Variants in DMXL2 observed in about 807,000 individuals in gnomAD.
DMXL2 encodes the protein Dmx like 2.
In DMXL2, 103 loss-of-function variants were observed where a neutral mutation model predicts 331.1. That is an observed-to-expected ratio of 0.31 (90% confidence interval 0.27 to 0.37). DMXL2 has a LOEUF of 0.37. Ranked by LOEUF, DMXL2 falls within the 10% of genes least tolerant of loss-of-function variation. DMXL2 has a pLI of 1.00. For missense variants in DMXL2, 3,171 were observed against 3,642.9 expected, an observed-to-expected ratio of 0.87 and a Z score of 3.33; for synonymous variants, 1,281 against 1,252.1, an observed-to-expected ratio of 1.02 and a Z score of -0.49.
At chr15:51,484,438 A>C (rs1187246457) in intron 23 of DMXL2, among the ~76,000 whole-genome samples, 1 of 152,250 alleles carries the variant, frequency 6.6e-6, no homozygotes, top group African/African-American at 2.4e-5. Flanking sequence ...GGCAACTGAG[A>C]GGATTGCAAA....
At chr15:51,558,740 G>A (rs888141633) in intron 6 of DMXL2, among the ~76,000 whole-genome samples, 2 of 152,152 alleles carry the variant, frequency 1.3e-5, no homozygotes, top group East Asian at 3.9e-4. Context: ...GAATTTTGTT[G>A]TTCTTGGAAA....
At chr15:51,464,381 C>CA (rs1385149153) in intron 32 of DMXL2, among the ~76,000 whole-genome samples, 1 of 152,188 alleles carries the variant, frequency 6.6e-6, no homozygotes, top group Non-Finnish European at 1.5e-5. Flanking sequence ...TCCTGGGTGA[C>CA]AGAGTGAGAC....
chr15:51,589,255 G>A (rs1425481324), intron 1 of DMXL2, among the ~76,000 whole-genome samples: 1 of 152,180 alleles, frequency 6.6e-6, no homozygotes, highest in Non-Finnish European at 1.5e-5. Flanking sequence ...ACTTGAAGAG[G>A]AACTCACAAG....
intron 1 of DMXL2, among the ~76,000 whole-genome samples, chr15:51,618,313 CTTTT>C (rs10577626): frequency 1.4e-5 from 2 of 145,710 alleles, no homozygotes; most frequent in Non-Finnish European, 1.5e-5. Context: ...TCTTGTAATT[CTTTT>C]TTTTTTTTTT....
At chr15:51,595,303 A>G (rs1040375496) in intron 1 of DMXL2, among the ~76,000 whole-genome samples, 3 of 152,366 alleles carry the variant, frequency 2.0e-5, no homozygotes, top group African/African-American at 7.2e-5. Context: ...CCAAATCATG[A>G]GTGAACTCCC....
At chr15:51,464,209 G>A (rs909380781) in intron 32 of DMXL2, among the ~76,000 whole-genome samples, 20 of 152,108 alleles carry the variant, frequency 1.3e-4, no homozygotes, top group African/African-American at 4.6e-4. Context: ...TGAGACCAGT[G>A]TGGGCAACAT....
In DMXL2 at chr15:51,486,101, T is replaced by C. The variant is rs1260194336; in HGVS notation, c.5454A>G (p.Gln1818=). The part of the protein sequence containing the change: ...YTRALDTLLE[Q]TPKEDDEHQV... ...GATGTTCATCATCCTCCTTTGGTGTTTGTTCCAGTAATGTGTCCAAGGCTC... is the reference window on the plus strand; with the variant it reads ...GATGTTCATCATCCTCCTTTGGTGTCTGTTCCAGTAATGTGTCCAAGGCTC... Residue 1818 remains glutamine, a synonymous_variant, in exon 23 of 44, where the codon CAA becomes CAG. Transcript: ENST00000560891. 6.2e-7 allele frequency: 1 copy of C among 1,611,144 alleles called. No individual in the cohort carries two copies. The highest frequency in any genetic ancestry group is 1.3e-5 in the African/African-American group (1 of 74,902).
At chr15:51,450,714 G>T in intron 42 of DMXL2, 1 of 179,874 alleles carries the variant, frequency 5.6e-6, no homozygotes, top group Non-Finnish European at 1.2e-5. Context: ...TTCTTTTCAG[G>T]TAAGTAATTG....
chr15:51,459,134 T>C (rs899009624), intron 34 of DMXL2: 7 of 236,880 alleles, frequency 3.0e-5, no homozygotes, highest in Non-Finnish European at 5.9e-5. Flanking sequence ...GCAATAAGAA[T>C]GTGTATACAT....
intron 23 of DMXL2, among the ~76,000 whole-genome samples, chr15:51,485,513 TCTTA>T (rs1407128707): frequency 6.6e-6 from 1 of 152,238 alleles, no homozygotes; most frequent in Admixed American, 6.5e-5. Context: ...CTGCTGTGCA[TCTTA>T]CTTTTTTTCA....
intron 1 of DMXL2, among the ~76,000 whole-genome samples, chr15:51,578,305 C>G (rs72729293): frequency 0.028 from 4,320 of 152,244 alleles, 75 homozygotes; most frequent in Admixed American, 0.038. Context: ...ATAAAATATT[C>G]CAGATAAATA....
chr15:51,616,670 G>A (rs893945894), intron 1 of DMXL2, among the ~76,000 whole-genome samples: 6 of 152,188 alleles, frequency 3.9e-5, no homozygotes, highest in African/African-American at 1.4e-4. Context: ...GGGTGCAGTG[G>A]CTCATGCCTA....
chr15:51,481,407 A>G lies in DMXL2; in HGVS notation c.5699T>C (p.Leu1900Ser), dbSNP rs2042002438. 1.1e-5 allele frequency: 17 copies of G among 1,612,302 alleles called. No homozygotes were observed. Among genetic ancestry groups the G allele is most frequent in the Non-Finnish European group, 1.4e-5 (17 of 1,179,138 alleles). The change falls in exon 24 of 44, where the codon TTA becomes TCA. Residue 1900 changes from leucine (L) to serine (S), a missense_variant. Coordinates refer to ENST00000560891, the MANE Select transcript of DMXL2 (RefSeq NM_001378457.1). The stretch of plus-strand genomic sequence containing the variant: ...AATTTTGGAGAGTACCTCCAAGGCT[A>G]AAACAGGGCATCCAACTTTAAAATG... ...NAHFKVGCPV[L>S]ALEVLSKIPK...
chr15:51,540,598 G>C lies in DMXL2; in HGVS notation c.1105+1735C>G, dbSNP rs144773199. 9.5e-3 allele frequency among the ~76,000 whole-genome samples: 1,446 copies of C among 151,924 alleles called. 18 individuals carry two copies. The highest frequency in any genetic ancestry group is 0.033 in the African/African-American group (1,377 of 41,450). ...CTCGGTAAGTGGTATATGGATATTT[G>C]CTGTACTATTCTTTCAACTTTCTTG... On this transcript the variant is annotated intron_variant, in intron 9 of 43. Coordinates refer to ENST00000560891, the MANE Select transcript of DMXL2 (RefSeq NM_001378457.1).
chr15:51,610,900 TAA>T (rs2053921602), intron 1 of DMXL2, among the ~76,000 whole-genome samples: 1 of 152,194 alleles, frequency 6.6e-6, no homozygotes, highest in South Asian at 2.1e-4. Flanking sequence ...TTTGTAACTT[TAA>T]AAGTCTCATA....
chr15:51,487,889 C>T, intron 22 of DMXL2, 65 bp downstream of exon 22: 1 of 1,372,182 alleles, frequency 7.3e-7, no homozygotes, highest in Non-Finnish European at 9.7e-7. Flanking sequence ...TTACAATCTC[C>T]TCTACAACCT....
At position 51,481,196 on chromosome 15, in the gene DMXL2, A is replaced by G. The variant is rs1168763404; in HGVS notation, c.5910T>C (p.Asp1970=). The change falls in exon 24 of 44, where the codon GAT becomes GAC. Residue 1970 remains aspartate, a synonymous_variant. Coordinates refer to ENST00000560891, the MANE Select transcript of DMXL2 (RefSeq NM_001378457.1). The part of the protein sequence containing the change: ...YDWSQPIVKV[D]EEPLNLDWGE... ...CCCAATCAAGATTAAGAGGTTCCTC[A>G]TCAACTTTTACTATTGGCTGACTCC... The G allele has an allele frequency of 1.2e-6, 2 of 1,613,854 alleles. No individual in the cohort carries two copies. Among genetic ancestry groups the G allele is most frequent in the African/African-American group, 2.7e-5 (2 of 74,932 alleles).
At chr15:51,471,058 C>T (rs1045932678) in intron 29 of DMXL2, among the ~76,000 whole-genome samples, 165 bp downstream of exon 29, 2 of 152,150 alleles carry the variant, frequency 1.3e-5, no homozygotes, top group Admixed American at 6.5e-5. Context: ...TGATCATCCT[C>T]GAATTTACTA....
rs958111815 is a variant in DMXL2 at position 51,541,267 on chromosome 15, A to G, written c.1105+1066T>C. ...CAAGACATGTTAAGTAATTTTAGAT[A>G]TTTCAATAGCCACGTTACAAAAGGT... On this transcript the variant is annotated intron_variant, in intron 9 of 43. Transcript: ENST00000560891. Among the ~76,000 whole-genome samples the G allele has an allele frequency of 4.6e-5, 7 of 152,264 alleles. No individual in the cohort carries two copies. The Middle Eastern group carries it at 0.01, about 222-fold the overall frequency.
Sources: allele counts gnomAD v4.1 joint callset (sites outside exome capture counted in the v4.1 genomes callset), GRCh38; gene constraint gnomAD v4.1.1; transcripts MANE v1.5; gene names NCBI Gene and HGNC (gene_info 2026-07-23, HGNC 2026-07-21).